Variants in RSF1 observed in about 807,000 individuals in gnomAD.
The protein encoded by RSF1 is remodeling and spacing factor 1, also known as HBV pX-associated protein 8.
A neutral mutation model predicts 145.2 loss-of-function variants in RSF1; 13 were observed. That is an observed-to-expected ratio of 0.09 (90% confidence interval 0.06 to 0.14). RSF1 has a LOEUF of 0.14. Among genes scored for constraint, RSF1 ranks in the 10% least tolerant of loss-of-function variants. RSF1 has a pLI of 1.00. For synonymous variants in RSF1, 577 were observed against 592.6 expected (o/e 0.97, Z 0.38); for missense variants, 1,517 against 1,718.2 (o/e 0.88, Z 2.07).
chr11:77,680,480 C>T lies in RSF1; in HGVS notation c.3066-2327G>A, dbSNP rs760798503. 4.6e-5 allele frequency among the ~76,000 whole-genome samples: 7 copies of T among 151,648 alleles called. No homozygotes were observed. In the South Asian group the frequency reaches 6.3e-4, roughly 14 times the overall value. The stretch of plus-strand genomic sequence containing the variant: ...ACTAAAAGCTGGAGGCTGGAAGTGG[C>T]TGTATACACCCATAGTCCCAACTAT... On this transcript the variant is annotated intron_variant, in intron 11 of 15. Coordinates refer to ENST00000308488, the MANE Select transcript of RSF1 (RefSeq NM_016578.4).
chr11:77,842,852 C>T, the RSF1 span, among the ~76,000 whole-genome samples: 67 of 152,316 alleles, frequency 4.4e-4, 2 homozygotes, highest in Non-Finnish European at 2.9e-5. Flanking sequence ...ACTTGTACAA[C>T]AGTTACCACT....
intron 2 of RSF1, among the ~76,000 whole-genome samples, chr11:77,759,499 C>A (rs1449540006): frequency 3.3e-5 from 5 of 152,190 alleles, no homozygotes; most frequent in Non-Finnish European, 7.3e-5. Context: ...TCCTGCCCAA[C>A]ATGGTGAAAC....
rs766085360 is a variant in RSF1, at chr11:77,700,978, T to C, written c.2251A>G (p.Lys751Glu). 2.5e-6 allele frequency: 4 copies of C among 1,613,640 alleles called. No individual in the cohort carries two copies. In the South Asian group the frequency reaches 4.4e-5, roughly 18 times the overall value. Residue 751 changes from lysine to glutamate, a missense_variant, in exon 6 of 16, where the codon AAA (lysine) becomes GAA (glutamate). Coordinates refer to ENST00000308488, the MANE Select transcript of RSF1 (RefSeq NM_016578.4). ...TGCTTGTTTTCTGGTTCTAGAACTTTGGGGGGAGAATCGGGCTTCTTTTTC... is the reference window on the plus strand; with the variant it reads ...TGCTTGTTTTCTGGTTCTAGAACTTCGGGGGGAGAATCGGGCTTCTTTTTC... ...SRKKKPDSPP[K>E]VLEPENKQEK... is the part of the protein sequence containing the mutation.
At chr11:77,717,368 TA>T (rs1960840709) in intron 5 of RSF1, among the ~76,000 whole-genome samples, 1 of 152,136 alleles carries the variant, frequency 6.6e-6, no homozygotes, top group African/African-American at 2.4e-5. Flanking sequence ...CCTCTCAACA[TA>T]AATCCCATCT....
chr11:77,681,728 T>C (rs1156315191), intron 11 of RSF1, among the ~76,000 whole-genome samples: 1 of 152,248 alleles, frequency 6.6e-6, no homozygotes, highest in Non-Finnish European at 1.5e-5. Context: ...AATAAAACTA[T>C]AGCCTTTTGC....
At chr11:77,819,008 T>C (rs562687554) in intron 1 of RSF1, among the ~76,000 whole-genome samples, 2 of 152,352 alleles carry the variant, frequency 1.3e-5, no homozygotes, top group Non-Finnish European at 2.9e-5. Flanking sequence ...GCTTATATTA[T>C]AACTGCTGTA....
chr11:77,840,680 A>T, the RSF1 span, among the ~76,000 whole-genome samples: 1 of 152,296 alleles, frequency 6.6e-6, no homozygotes, highest in Non-Finnish European at 1.5e-5. Flanking sequence ...ATGTGCTGGG[A>T]TTACAGGCAT....
At chr11:77,778,270 A>T (rs1590881550) in intron 1 of RSF1, among the ~76,000 whole-genome samples, 1 of 26,836 alleles carries the variant, frequency 3.7e-5, no homozygotes, top group Non-Finnish European at 6.8e-5. Flanking sequence ...AGGGGAGAGG[A>T]TGGGGGAGGG....
Position 77,701,263 on chromosome 11 carries a change from C to G in RSF1, c.1966G>C (p.Val656Leu), listed in dbSNP as rs1241713225. 5 of 1,614,142 alleles carry G rather than the reference C, an allele frequency of 3.1e-6. No individual in the cohort carries two copies. The highest frequency in any genetic ancestry group is 2.2e-5 in the East Asian group (1 of 44,864). ...EVVECQSTST[V>L]GGQSVKKVDL... ...ACTTTTTTCACAGACTGGCCACCAA[C>G]AGTACTTGTACTCTGGCATTCTACC... Residue 656 changes from valine (V) to leucine (L), a missense_variant, in exon 6 of 16, where the codon GTT becomes CTT. Val to Leu is a conservative substitution (Grantham distance 32). Around this residue, in one of 12 missense-constraint regions of RSF1, gnomAD observed 579 missense variants for 553.5 expected, o/e 1.05. Coordinates refer to ENST00000308488, the MANE Select transcript of RSF1 (RefSeq NM_016578.4).
At chr11:77,832,949 ATATGTGTG>A in the RSF1 span, among the ~76,000 whole-genome samples, 9,492 of 95,800 alleles carry the variant, frequency 0.099, 897 homozygotes, top group Middle Eastern at 0.13. Flanking sequence ...TTGTATATAT[ATATGTGTG>A]TGTGTGTGTG....
chr11:77,717,054 T>C (rs1481869007), intron 5 of RSF1, among the ~76,000 whole-genome samples: 2 of 151,688 alleles, frequency 1.3e-5, no homozygotes, highest in African/African-American at 4.8e-5. Flanking sequence ...GGCTTGTGCC[T>C]GTAGGCCCAG....
rs966649048 is a variant in RSF1, at chr11:77,666,808, G to C, written c.*109C>G. ...ATTTGTTGAAATTTTTCTTCTAAAA[G>C]TCATTCTGTAGTGGAGTTTTCTAGG... is the stretch of plus-strand genomic sequence containing the variant. On this transcript the variant is annotated 3_prime_UTR_variant, in exon 16 of 16. Coordinates refer to ENST00000308488, the MANE Select transcript of RSF1 (RefSeq NM_016578.4). 1.2e-6 allele frequency: 1 copy of C among 857,126 alleles called. No homozygotes were observed. Among genetic ancestry groups the C allele is most frequent in the Non-Finnish European group, 1.7e-6 (1 of 587,156 alleles). 53.1% of individuals were successfully genotyped at this position (857,126 alleles called of 1,614,324 possible).
Position 77,723,581 on chromosome 11 carries a change from A to G in RSF1, c.733+1964T>C, listed in dbSNP as rs375066811. Among the ~76,000 whole-genome samples, 270 of 152,384 alleles carry G rather than the reference A, an allele frequency of 1.8e-3. 4 individuals are homozygous for G. Among genetic ancestry groups the G allele is most frequent in the African/African-American group, 5.8e-3 (243 of 41,590 alleles). Reference sequence around the variant, plus strand: ...TAAAACCACCACAGACATTTGAAATAAAACCACATAAGCAATGAAGGACGG... The same window carrying G: ...TAAAACCACCACAGACATTTGAAATGAAACCACATAAGCAATGAAGGACGG... On this transcript the variant is annotated intron_variant, in intron 5 of 15. Coordinates refer to ENST00000308488, the MANE Select transcript of RSF1 (RefSeq NM_016578.4).
intron 5 of RSF1, among the ~76,000 whole-genome samples, chr11:77,723,692 A>G (rs1960989357): frequency 6.6e-6 from 1 of 152,252 alleles, no homozygotes; most frequent in Non-Finnish European, 1.5e-5. Context: ...CTTGTTTACA[A>G]GCAATGCTTG....
At chr11:77,724,424 T>G (rs1342570294) in intron 5 of RSF1, among the ~76,000 whole-genome samples, 2 of 152,230 alleles carry the variant, frequency 1.3e-5, no homozygotes, top group African/African-American at 2.4e-5. Flanking sequence ...GTACACCCAG[T>G]TCATGGCAGC....
the RSF1 span, among the ~76,000 whole-genome samples, chr11:77,831,480 C>T: frequency 6.6e-6 from 1 of 152,102 alleles, no homozygotes; most frequent in Non-Finnish European, 1.5e-5. Context: ...TTTGGCTACT[C>T]CTTGAAATTC....
intron 1 of RSF1, among the ~76,000 whole-genome samples, chr11:77,801,197 G>A (rs1948623134): frequency 6.6e-6 from 1 of 152,066 alleles, no homozygotes; most frequent in South Asian, 2.1e-4. Flanking sequence ...GGACACCAAG[G>A]TGGCTGGATC....
chr11:77,671,904 G>A (rs1020288618), intron 15 of RSF1, 138 bp downstream of exon 15: 5 of 734,074 alleles, frequency 6.8e-6, no homozygotes, highest in Non-Finnish European at 1.1e-5. Context: ...AAACTGCCGG[G>A]ATTACAGGCG....
At chr11:77,726,120 T>TA (rs1382302068) in intron 4 of RSF1, among the ~76,000 whole-genome samples, 1 of 152,256 alleles carries the variant, frequency 6.6e-6, no homozygotes, top group Non-Finnish European at 1.5e-5. Context: ...CCTTCAGAGA[T>TA]AATAGCATTT....
Sources: gnomAD v4.1 joint callset for allele counts (sites outside exome capture counted in the v4.1 genomes callset) on GRCh38, gnomAD v4.1.1 for gene constraint, gnomAD v4.1.1 regional missense constraint, MANE v1.5 for transcripts, NCBI Gene and HGNC (gene_info 2026-07-23, HGNC 2026-07-21) for gene names.